AGBL1: variants seen among roughly 807,000 people sequenced by gnomAD.
AGBL1 encodes the protein cytosolic carboxypeptidase 4.
A neutral mutation model predicts 118.9 loss-of-function variants in AGBL1; 130 were observed. The observed-to-expected ratio is 1.09, with a 90% CI of 0.95 to 1.26. The LOEUF (loss-of-function observed/expected upper bound fraction) is 1.26, where lower values mean the gene tolerates loss of function less well. AGBL1 is among the 50% of genes most tolerant of loss of function. AGBL1 has a pLI of 0.00. For missense variants in AGBL1, 1,584 were observed against 1,298.1 expected, an observed-to-expected ratio of 1.22 and a Z score of -3.38; for synonymous variants, 555 against 478.9, an observed-to-expected ratio of 1.16 and a Z score of -2.08.
chr15:86,428,428 AT>A, intron 18 of AGBL1, among the ~76,000 whole-genome samples: 1 of 152,240 alleles, frequency 6.6e-6, no homozygotes, highest in East Asian at 1.9e-4. Context: ...TGATAGTCCT[AT>A]TTTCCCCCGT....
intron 22 of AGBL1, among the ~76,000 whole-genome samples, chr15:86,879,369 C>T (rs1567220894): frequency 1.3e-5 from 2 of 152,064 alleles, no homozygotes; most frequent in African/African-American, 4.8e-5. Context: ...CCCACATGGT[C>T]TTTTTTTGGG....
At chr15:86,302,037 G>A (rs8030963) in intron 17 of AGBL1, among the ~76,000 whole-genome samples, 125,750 of 152,010 alleles carry the variant, frequency 0.83, 53,201 homozygotes, top group African/African-American at 0.96. Flanking sequence ...GACTCACCAT[G>A]ATCCTACCCT....
intron 19 of AGBL1, among the ~76,000 whole-genome samples, chr15:86,527,876 A>T (rs1456161153): frequency 6.6e-6 from 1 of 152,166 alleles, no homozygotes; most frequent in African/African-American, 2.4e-5. Context: ...CAATATTCAC[A>T]TATTGTGTAA....
intron 22 of AGBL1, among the ~76,000 whole-genome samples, chr15:86,804,237 T>C (rs982597376): frequency 6.6e-6 from 1 of 152,136 alleles, no homozygotes; most frequent in African/African-American, 2.4e-5. Flanking sequence ...GGAAGGAGAC[T>C]TCCATCTGTT....
intron 18 of AGBL1, among the ~76,000 whole-genome samples, chr15:86,464,946 G>T (rs550279303): frequency 6.6e-6 from 1 of 151,726 alleles, no homozygotes; most frequent in Admixed American, 6.6e-5. Flanking sequence ...TTGAATGTTG[G>T]CCTGTCTTGC....
chr15:86,753,289 G>C (rs1207558946), intron 22 of AGBL1, among the ~76,000 whole-genome samples: 3 of 151,882 alleles, frequency 2.0e-5, no homozygotes, highest in Non-Finnish European at 4.4e-5. Flanking sequence ...TGAGGCACCA[G>C]GTACGTTTTT....
chr15:86,262,822 T>G lies in AGBL1; in HGVS notation c.1014T>G (p.Pro338=). The G allele has an allele frequency of 6.2e-7, 1 of 1,611,318 alleles. No homozygotes were observed. Among genetic ancestry groups the G allele is most frequent in the Non-Finnish European group, 8.5e-7 (1 of 1,178,762 alleles). ...ACGTGAACAAGCTGAGTTCCAAACC[T>G]GGTCTTGACCGACCTGAAGAGGAAC... ...ETDVNKLSSK[P]GLDRPEEELM... Residue 338 remains proline (P), a synonymous_variant, in exon 10 of 23, where the codon CCT becomes CCG. Coordinates refer to ENST00000614907, the MANE Select transcript of AGBL1 (RefSeq NM_001386094.1).
At chr15:86,698,967 A>G (rs2086309967) in intron 22 of AGBL1, among the ~76,000 whole-genome samples, 1 of 152,068 alleles carries the variant, frequency 6.6e-6, no homozygotes, top group Admixed American at 6.6e-5. Flanking sequence ...AGACCAAAAT[A>G]TCAGTTTTTA....
chr15:86,655,799 T>C lies in AGBL1; in HGVS notation c.2995-18474T>C, dbSNP rs1733560786. Among the ~76,000 whole-genome samples, 9 of 152,282 alleles carry C rather than the reference T, an allele frequency of 5.9e-5. No individual in the cohort carries two copies. The South Asian group carries it at 1.9e-3, about 32-fold the overall frequency. The stretch of plus-strand genomic sequence containing the variant: ...TGGATACATTAGGAGGAGAAATACC[T>C]GGGAGAGGTGGAGTAGGGATAAACA... On this transcript the variant is annotated intron_variant, in intron 21 of 22. Coordinates refer to ENST00000614907, the MANE Select transcript of AGBL1 (RefSeq NM_001386094.1).
At chr15:86,330,294 T>C (rs1450200830) in intron 17 of AGBL1, among the ~76,000 whole-genome samples, 1 of 152,210 alleles carries the variant, frequency 6.6e-6, no homozygotes, top group East Asian at 1.9e-4. Context: ...TACTGGCTTC[T>C]AGGTGAAACT....
At chr15:86,573,025 T>C (rs2084033077) in intron 21 of AGBL1, among the ~76,000 whole-genome samples, 1 of 152,256 alleles carries the variant, frequency 6.6e-6, no homozygotes, top group Admixed American at 6.5e-5. Context: ...GAGAACTTTT[T>C]AGAATACCTT....
At chr15:86,929,042 G>A (rs2080577204) in intron 23 of AGBL1, among the ~76,000 whole-genome samples, 1 of 151,826 alleles carries the variant, frequency 6.6e-6, no homozygotes, top group African/African-American at 2.4e-5. Flanking sequence ...GTCTCTCTGA[G>A]ACAGAGTCTT....
At chr15:86,393,201 C>T (rs2081313662) in intron 17 of AGBL1, among the ~76,000 whole-genome samples, 1 of 152,166 alleles carries the variant, frequency 6.6e-6, no homozygotes, top group African/African-American at 2.4e-5. Context: ...TACAATACAG[C>T]AGATTATCAA....
intron 22 of AGBL1, among the ~76,000 whole-genome samples, chr15:86,713,001 C>A (rs1286949779): frequency 1.3e-5 from 2 of 152,180 alleles, no homozygotes; most frequent in Non-Finnish European, 2.9e-5. Flanking sequence ...TACAACCCAT[C>A]CCACAGAAGG....
intron 18 of AGBL1, among the ~76,000 whole-genome samples, chr15:86,504,906 T>C (rs1002788085): frequency 6.6e-6 from 1 of 151,768 alleles, no homozygotes; most frequent in African/African-American, 2.4e-5. Flanking sequence ...GTCTTTTCAT[T>C]TAAGCCTGAA....
At chr15:86,544,536 G>C (rs769061912) in intron 19 of AGBL1, among the ~76,000 whole-genome samples, 1 of 152,160 alleles carries the variant, frequency 6.6e-6, no homozygotes, top group African/African-American at 2.4e-5. Flanking sequence ...GAGGCCTCAC[G>C]ATCATGGTGG....
intron 19 of AGBL1, among the ~76,000 whole-genome samples, chr15:86,534,644 A>C (rs917403059): frequency 6.6e-6 from 1 of 152,200 alleles, no homozygotes; most frequent in African/African-American, 2.4e-5. Context: ...AAGCCCAGAC[A>C]CAGCAAAGTT....
chr15:86,787,242 G>C (rs1229550208), intron 22 of AGBL1, among the ~76,000 whole-genome samples: 1 of 152,002 alleles, frequency 6.6e-6, no homozygotes, highest in South Asian at 2.1e-4. Flanking sequence ...CCATTTTTAT[G>C]TGTATATGTG....
At chr15:86,284,787 T>C (rs568641798) in intron 16 of AGBL1, among the ~76,000 whole-genome samples, 11 of 152,316 alleles carry the variant, frequency 7.2e-5, no homozygotes, top group Admixed American at 4.6e-4. Context: ...GGAAGTCTTT[T>C]ATCAAAGTTT....
Sources: allele counts gnomAD v4.1 joint callset (sites outside exome capture counted in the v4.1 genomes callset), GRCh38; gene constraint gnomAD v4.1.1; transcripts MANE v1.5; gene names NCBI Gene and HGNC (gene_info 2026-07-23, HGNC 2026-07-21).